Variants in FXN observed in about 807,000 individuals in gnomAD.
FXN encodes the protein frataxin, mitochondrial.
A neutral mutation model predicts 22.4 loss-of-function variants in FXN; 14 were observed. The ratio of observed to expected loss-of-function variants is 0.62; its 90% CI spans 0.41 to 0.98. The LOEUF is 0.98. FXN is among the 50% of genes least tolerant of loss of function. The pLI is 0.00. For missense variants in FXN, 267 were observed against 268.4 expected, an observed-to-expected ratio of 0.99 and a Z score of 0.04; for synonymous variants, 120 against 114.1, an observed-to-expected ratio of 1.05 and a Z score of -0.33.
chr9:69,070,570 A>G (rs1468778784), intron 4 of FXN, among the ~76,000 whole-genome samples: 1 of 152,236 alleles, frequency 6.6e-6, no homozygotes, highest in Non-Finnish European at 1.5e-5. Context: ...AACACCAGCC[A>G]GTGCTGCTGC....
chr9:69,045,386 A>C (rs570768659), intron 1 of FXN, among the ~76,000 whole-genome samples: 2 of 152,284 alleles, frequency 1.3e-5, no homozygotes, highest in East Asian at 3.9e-4. Flanking sequence ...ACTTGAGGCC[A>C]GGAGTTCAAG....
At chr9:69,067,244 C>G (rs953014061) in intron 4 of FXN, among the ~76,000 whole-genome samples, 2 of 152,254 alleles carry the variant, frequency 1.3e-5, no homozygotes, top group African/African-American at 4.8e-5. Context: ...GGCCTGCTGC[C>G]CACACAGACT....
chr9:69,053,511 A>ATGGATGGATGGATGGATGGATG (rs34724950), intron 3 of FXN, among the ~76,000 whole-genome samples: 3 of 133,910 alleles, frequency 2.2e-5, no homozygotes, highest in East Asian at 2.3e-4. Context: ...ATGGATGGAT[A>ATGGATGGATGGATGGATGGATG]GATAGATAGA....
chr9:69,052,628 C>T (rs1417297942), intron 2 of FXN, among the ~76,000 whole-genome samples: 19 of 150,262 alleles, frequency 1.3e-4, no homozygotes, highest in African/African-American at 4.2e-4. Context: ...CTGCAAGCTC[C>T]GCCTCCCAGG....
rs750317657 is a variant in FXN at position 69,076,116 on chromosome 9, ATG to A, written c.*3355_*3356del. On this transcript the variant is annotated 3_prime_UTR_variant, in exon 5 of 5. Transcript: ENST00000484259. Reference sequence around the variant, plus strand: ...AGCTCTCTGGAATTACAAAGAAGGAATGAGGTGTGTAAAAGAGAACCTGGGTT... The same window carrying A: ...AGCTCTCTGGAATTACAAAGAAGGAAAGGTGTGTAAAAGAGAACCTGGGTT... The A allele has an allele frequency of 4.1e-6, 4 of 985,018 alleles. No homozygotes were observed. Among genetic ancestry groups the A allele is most frequent in the Non-Finnish European group, 4.8e-6 (4 of 829,550 alleles). The allele number at this position is 985,018 out of a possible 1,614,324, so 61.0% of individuals were successfully genotyped here. A position where few individuals can be genotyped will look rare whatever the true frequency, so the allele number is the denominator to read the frequency against.
In FXN at chr9:69,078,848, T is replaced by C. The variant is rs1832417172; in HGVS notation, c.*6086T>C. 1.2e-5 allele frequency: 12 copies of C among 985,794 alleles called. No individual in the cohort carries two copies. The highest frequency in any genetic ancestry group is 1.4e-5 in the Non-Finnish European group (12 of 830,288). The allele number at this position is 985,794 out of a possible 1,614,324, so 61.1% of individuals were successfully genotyped here. ...TGCCTGGATGCCCTTGATTGTTCCA[T>C]GTCCTCAGCATACCATGTTTGTCTT... On this transcript the variant is annotated 3_prime_UTR_variant, in exon 5 of 5. Transcript: ENST00000484259.
intron 1 of FXN, among the ~76,000 whole-genome samples, chr9:69,045,065 C>T (rs1831722640): frequency 6.6e-6 from 1 of 152,106 alleles, no homozygotes; most frequent in South Asian, 2.1e-4. Flanking sequence ...AGTAGAACTT[C>T]CTGATGTGAT....
At chr9:69,063,212 A>G (rs1202780140) in intron 3 of FXN, among the ~76,000 whole-genome samples, 1 of 152,204 alleles carries the variant, frequency 6.6e-6, no homozygotes, top group Non-Finnish European at 1.5e-5. Context: ...CAAACAAACA[A>G]AAACTGGCAG....
intron 2 of FXN, among the ~76,000 whole-genome samples, chr9:69,051,870 G>C (rs946697357): frequency 6.6e-6 from 1 of 152,152 alleles, no homozygotes; most frequent in Non-Finnish European, 1.5e-5. Context: ...TCTTTGAGAC[G>C]GAGTTTTGCT....
intron 3 of FXN, among the ~76,000 whole-genome samples, chr9:69,060,204 T>A (rs528457311): frequency 1.3e-5 from 2 of 151,774 alleles, no homozygotes; most frequent in East Asian, 3.9e-4. Flanking sequence ...CCGTCTCTAC[T>A]AAAAAAATAC....
intron 1 of FXN, among the ~76,000 whole-genome samples, chr9:69,043,094 C>T (rs991258762): frequency 5.3e-5 from 8 of 152,164 alleles, no homozygotes; most frequent in African/African-American, 9.7e-5. Flanking sequence ...CTTTTGGGGT[C>T]GTTTCAAAGA....
chr9:69,076,748 G>C lies in FXN; in HGVS notation c.*3986G>C. The C allele has an allele frequency of 4.1e-6, 4 of 985,382 alleles. No homozygotes were observed. The highest frequency in any genetic ancestry group is 4.8e-6 in the Non-Finnish European group (4 of 829,924). 61.0% of individuals were successfully genotyped at this position (985,382 alleles called of 1,614,324 possible). A position where few individuals can be genotyped will look rare whatever the true frequency, so the allele number is the denominator to read the frequency against. On this transcript the variant is annotated 3_prime_UTR_variant, in exon 5 of 5. Transcript: ENST00000484259. ...ACACACTAAGATGAAAGTAATTTTA[G>C]TCCGTGTCCAGTTGGATTCTTGGCA...
At position 69,078,443 on chromosome 9, in the gene FXN, C is replaced by T; in HGVS notation, c.*5681C>T. The stretch of plus-strand genomic sequence containing the variant: ...CAGGAGCTTTCTTATATCCACCTTC[C>T]TCCTTTTCTCTCAGCCCATCATCTA... On this transcript the variant is annotated 3_prime_UTR_variant, in exon 5 of 5. Transcript: ENST00000484259. 4.1e-6 allele frequency: 4 copies of T among 985,442 alleles called. No homozygotes were observed. The highest frequency in any genetic ancestry group is 4.8e-6 in the Non-Finnish European group (4 of 829,958). 61.0% of individuals were successfully genotyped at this position (985,442 alleles called of 1,614,324 possible).
At chr9:69,064,310 T>C (rs1215579837) in intron 3 of FXN, among the ~76,000 whole-genome samples, 1 of 152,222 alleles carries the variant, frequency 6.6e-6, no homozygotes, top group East Asian at 1.9e-4. Context: ...TTCAAGGCTC[T>C]TTAGAGAAAA....
intron 3 of FXN, among the ~76,000 whole-genome samples, chr9:69,064,469 TC>T (rs1482567850): frequency 2.6e-5 from 4 of 152,224 alleles, no homozygotes; most frequent in Non-Finnish European, 4.4e-5. Flanking sequence ...TTTGCATACT[TC>T]CTTACCTTCC....
chr9:69,063,550 T>C (rs3829064), intron 3 of FXN, among the ~76,000 whole-genome samples: 76,741 of 152,022 alleles, frequency 0.5, 19,626 homozygotes, highest in Admixed American at 0.6. Flanking sequence ...TTTCTATACA[T>C]TTGTTTTTGA....
chr9:69,060,679 C>G (rs572035816), intron 3 of FXN, among the ~76,000 whole-genome samples: 12 of 152,200 alleles, frequency 7.9e-5, no homozygotes, highest in Non-Finnish European at 1.3e-4. Context: ...AATCTATTTA[C>G]AGTGAACAGA....
chr9:69,052,837 C>T (rs112898707), intron 2 of FXN, among the ~76,000 whole-genome samples: 3 of 151,972 alleles, frequency 2.0e-5, no homozygotes, highest in African/African-American at 7.2e-5. Context: ...CTACCACGCC[C>T]GGCCTTTAAA....
intron 2 of FXN, among the ~76,000 whole-genome samples, chr9:69,049,183 C>G (rs554369374): frequency 1.3e-5 from 2 of 152,274 alleles, no homozygotes; most frequent in Admixed American, 1.3e-4. Flanking sequence ...GCAGGTAGCA[C>G]CTTCCAACCT....
Sources: gnomAD v4.1 joint callset for allele counts (sites outside exome capture counted in the v4.1 genomes callset) on GRCh38, gnomAD v4.1.1 for gene constraint, MANE v1.5 for transcripts, NCBI Gene and HGNC (gene_info 2026-07-23, HGNC 2026-07-21) for gene names.